SPIDR: variants seen among roughly 807,000 people sequenced by gnomAD.
The protein encoded by SPIDR is DNA repair-scaffolding protein.
A neutral mutation model predicts 104.6 loss-of-function variants in SPIDR; 93 were observed. That is an observed-to-expected ratio of 0.89 (90% confidence interval 0.75 to 1.06). SPIDR has a LOEUF of 1.06. SPIDR is among the 50% of genes least tolerant of loss of function. SPIDR has a pLI of 0.00. For synonymous variants in SPIDR, 431 were observed against 416.9 expected (o/e 1.03, Z -0.41); for missense variants, 1,154 against 1,111.2 (o/e 1.04, Z -0.55).
At chr8:47,626,883 A>G (rs2066222368) in intron 10 of SPIDR, among the ~76,000 whole-genome samples, 1 of 152,172 alleles carries the variant, frequency 6.6e-6, no homozygotes, top group South Asian at 2.1e-4. Flanking sequence ...CCATCCCATT[A>G]CTGGGTATAT....
chr8:47,679,263 G>A (rs1420375883), intron 11 of SPIDR, among the ~76,000 whole-genome samples: 4 of 152,152 alleles, frequency 2.6e-5, no homozygotes, highest in African/African-American at 9.7e-5. Flanking sequence ...CTTTTTTGAT[G>A]AATAATATGA....
At chr8:47,293,839 T>G (rs1391744944) in intron 4 of SPIDR, 28 bp from the exon 5 acceptor site, 2 of 1,581,678 alleles carry the variant, frequency 1.3e-6, no homozygotes, top group Non-Finnish European at 1.7e-6. Flanking sequence ...AGGAGATAAT[T>G]AAGCAAGTTA....
rs185509916 is a variant in SPIDR, at chr8:47,507,614, A to G, written c.1097+67072A>G. ...ATAAGCTTCTTGTTGACGGAACTTA[A>G]TTTTGGATGCTATTCACACCTAAAT... On this transcript the variant is annotated intron_variant, in intron 8 of 19. Transcript: ENST00000297423. 3.9e-5 allele frequency among the ~76,000 whole-genome samples: 6 copies of G among 152,350 alleles called. No individual in the cohort carries two copies. In the East Asian group the frequency reaches 9.6e-4, roughly 24 times the overall value.
intron 2 of SPIDR, 110 bp downstream of exon 2, chr8:47,280,127 A>G (rs2037420704): frequency 9.0e-7 from 1 of 1,111,026 alleles, no homozygotes; most frequent in Non-Finnish European, 1.3e-6. Context: ...CTTTCAGAAC[A>G]CTGTAACTGG....
Position 47,448,196 on chromosome 8 carries a change from T to C in SPIDR, c.1097+7654T>C, listed in dbSNP as rs138355197. 8.7e-3 allele frequency among the ~76,000 whole-genome samples: 1,326 copies of C among 152,358 alleles called. 11 individuals are homozygous for C. The highest frequency in any genetic ancestry group is 0.021 in the South Asian group (101 of 4,824). On this transcript the variant is annotated intron_variant, in intron 8 of 19. Coordinates refer to ENST00000297423, the MANE Select transcript of SPIDR (RefSeq NM_001080394.4). ...GCTTCTTTATCTGCTTAATGTCTTA[T>C]TGCTTTGGCTAAAACATTCAATTCA... is the stretch of plus-strand genomic sequence containing the variant.
At chr8:47,373,597 A>G (rs1435487641) in intron 5 of SPIDR, among the ~76,000 whole-genome samples, 1 of 151,940 alleles carries the variant, frequency 6.6e-6, no homozygotes, top group Non-Finnish European at 1.5e-5. Flanking sequence ...GCTTTTCATT[A>G]TGTGGGTGTG....
intron 1 of SPIDR, among the ~76,000 whole-genome samples, chr8:47,276,369 C>T (rs2036426090): frequency 6.6e-6 from 1 of 152,076 alleles, no homozygotes; most frequent in African/African-American, 2.4e-5. Context: ...CTACTTTGTG[C>T]CTGAGTTTTG....
At chr8:47,288,866 C>G (rs979623817) in intron 3 of SPIDR, among the ~76,000 whole-genome samples, 3 of 152,154 alleles carry the variant, frequency 2.0e-5, no homozygotes, top group African/African-American at 7.2e-5. Context: ...TCAGTGAATC[C>G]TCTTTTCCTG....
At chr8:47,377,920 C>T (rs949583178) in intron 5 of SPIDR, among the ~76,000 whole-genome samples, 1 of 152,144 alleles carries the variant, frequency 6.6e-6, no homozygotes, top group Non-Finnish European at 1.5e-5. Flanking sequence ...TACAAAATGT[C>T]CTTTTAGTGC....
intron 10 of SPIDR, among the ~76,000 whole-genome samples, chr8:47,651,370 G>A (rs1023550362): frequency 3.3e-5 from 5 of 152,096 alleles, no homozygotes. Context: ...CTAATTATCA[G>A]GGAAATCCAA....
intron 5 of SPIDR, among the ~76,000 whole-genome samples, chr8:47,391,090 A>G (rs1554651676): frequency 6.6e-6 from 1 of 152,158 alleles, no homozygotes; most frequent in African/African-American, 2.4e-5. Context: ...GTGTCCGGTG[A>G]GCCAGTAGGT....
At chr8:47,290,705 A>C (rs1314182588) in intron 3 of SPIDR, among the ~76,000 whole-genome samples, 5 of 152,324 alleles carry the variant, frequency 3.3e-5, no homozygotes, top group Non-Finnish European at 7.3e-5. Context: ...TTTTGTTTTC[A>C]TCAAATACCC....
intron 1 of SPIDR, among the ~76,000 whole-genome samples, chr8:47,278,653 G>A (rs1036470862): frequency 1.3e-5 from 2 of 152,042 alleles, no homozygotes; most frequent in Admixed American, 6.6e-5. Flanking sequence ...CTGTCACCAG[G>A]CTGGAGTGCA....
chr8:47,729,750 C>T (rs1303361479), intron 19 of SPIDR: 3 of 435,518 alleles, frequency 6.9e-6, no homozygotes, highest in Non-Finnish European at 1.2e-5. Context: ...GACAGAGTCT[C>T]ATTCTCTGTC....
At chr8:47,673,672 A>C in intron 10 of SPIDR, 129 bp from the exon 11 acceptor site, 1 of 1,268,134 alleles carries the variant, frequency 7.9e-7, no homozygotes. Context: ...GTTTTTCTTT[A>C]CTTTCTTTAA....
At chr8:47,418,039 G>GCC (rs1563914729) in intron 7 of SPIDR, among the ~76,000 whole-genome samples, 2 of 152,206 alleles carry the variant, frequency 1.3e-5, no homozygotes, top group African/African-American at 4.8e-5. Flanking sequence ...TTGTAGTATA[G>GCC]TTTGAAGTCA....
chr8:47,265,257 A>G (rs574071237), intron 1 of SPIDR, among the ~76,000 whole-genome samples: 1 of 141,938 alleles, frequency 7.0e-6, no homozygotes, highest in Admixed American at 7.5e-5. Context: ...GGGTGCTATC[A>G]TGGCTCACTG....
At chr8:47,443,076 A>G (rs1394938196) in intron 8 of SPIDR, among the ~76,000 whole-genome samples, 3 of 152,196 alleles carry the variant, frequency 2.0e-5, no homozygotes, top group Non-Finnish European at 4.4e-5. Context: ...GATCAAGATT[A>G]TCTACAAAGA....
At chr8:47,511,363 C>T (rs1319594490) in intron 8 of SPIDR, 1 of 1,030,240 alleles carries the variant, frequency 9.7e-7, no homozygotes, top group Non-Finnish European at 1.5e-6. Flanking sequence ...GGCAGTGCTG[C>T]TCGGTGTCTG....
Sources: gnomAD v4.1 joint callset for allele counts (sites outside exome capture counted in the v4.1 genomes callset) on GRCh38, gnomAD v4.1.1 for gene constraint, MANE v1.5 for transcripts, NCBI Gene and HGNC (gene_info 2026-07-23, HGNC 2026-07-21) for gene names.